The following LRRTM4 variants were observed in gnomAD, a reference collection of about 807,000 sequenced individuals.
The protein encoded by LRRTM4 is leucine rich repeat transmembrane neuronal 4, also known as leucine-rich repeat transmembrane neuronal protein 4.
A neutral mutation model predicts 47.6 loss-of-function variants in LRRTM4; 25 were observed. The ratio of observed to expected loss-of-function variants is 0.53; its 90% CI spans 0.38 to 0.73. The LOEUF (loss-of-function observed/expected upper bound fraction) is 0.73. Among genes scored for constraint, LRRTM4 ranks in the 30% least tolerant of loss-of-function variants. LRRTM4 has a pLI of 0.00. For synonymous variants in LRRTM4, 311 were observed against 269.5 expected (o/e 1.15, Z -1.51); for missense variants, 638 against 713.4 (o/e 0.89, Z 1.20).
chr2:77,458,999 A>G (rs1346140615), intron 3 of LRRTM4, among the ~76,000 whole-genome samples: 2 of 151,952 alleles, frequency 1.3e-5, no homozygotes, highest in Non-Finnish European at 2.9e-5. Flanking sequence ...TTCTCTGTGG[A>G]TTTTCAAAAT....
intron 3 of LRRTM4, among the ~76,000 whole-genome samples, chr2:76,838,289 A>C (rs1265324894): frequency 6.6e-6 from 1 of 152,004 alleles, no homozygotes; most frequent in African/African-American, 2.4e-5. Context: ...GCACATTTTC[A>C]ACTACTTTAC....
chr2:77,373,910 G>A (rs1672737808), intron 3 of LRRTM4, among the ~76,000 whole-genome samples: 1 of 151,716 alleles, frequency 6.6e-6, no homozygotes, highest in Non-Finnish European at 1.5e-5. Flanking sequence ...CCCTTCAGTT[G>A]ACAGTGCCAG....
At chr2:76,879,469 T>A (rs1325429678) in intron 3 of LRRTM4, among the ~76,000 whole-genome samples, 1 of 152,234 alleles carries the variant, frequency 6.6e-6, no homozygotes, top group Non-Finnish European at 1.5e-5. Flanking sequence ...CAGCATGGTT[T>A]CCTGAATATT....
At chr2:77,348,154 G>A (rs887260500) in intron 3 of LRRTM4, among the ~76,000 whole-genome samples, 2 of 151,826 alleles carry the variant, frequency 1.3e-5, no homozygotes, top group Non-Finnish European at 2.9e-5. Context: ...GAGTGGTTAA[G>A]TGAGCATACT....
At chr2:76,795,082 TAGACGGC>T (rs1439724489) in intron 3 of LRRTM4, among the ~76,000 whole-genome samples, 1 of 152,126 alleles carries the variant, frequency 6.6e-6, no homozygotes, top group African/African-American at 2.4e-5. Flanking sequence ...ACCTTTAACA[TAGACGGC>T]AGATATGACA....
chr2:76,763,877 A>G (rs1203042320), intron 3 of LRRTM4, among the ~76,000 whole-genome samples: 3 of 152,222 alleles, frequency 2.0e-5, no homozygotes, highest in Non-Finnish European at 4.4e-5. Context: ...GCCTCTACCC[A>G]CTAGATGTAT....
intron 3 of LRRTM4, among the ~76,000 whole-genome samples, chr2:76,935,557 G>C (rs189542357): frequency 1.3e-5 from 2 of 152,130 alleles, no homozygotes; most frequent in African/African-American, 4.8e-5. Flanking sequence ...TCCTTGAAAA[G>C]GTCCTTCACA....
chr2:76,841,994 G>T (rs1671698187), intron 3 of LRRTM4, among the ~76,000 whole-genome samples: 1 of 152,148 alleles, frequency 6.6e-6, no homozygotes, highest in East Asian at 1.9e-4. Context: ...TCACTAGACT[G>T]AGCTACTGGA....
intron 3 of LRRTM4, among the ~76,000 whole-genome samples, chr2:77,342,808 G>A (rs1671422581): frequency 6.6e-6 from 1 of 151,122 alleles, no homozygotes; most frequent in Admixed American, 6.7e-5. Context: ...TGCAAAAGCG[G>A]CTACTCTGTA....
chr2:77,059,505 C>T (rs866960293), intron 3 of LRRTM4, among the ~76,000 whole-genome samples: 2 of 152,166 alleles, frequency 1.3e-5, no homozygotes, highest in African/African-American at 4.8e-5. Context: ...CCTCCTCAAT[C>T]ATCATTTGGA....
chr2:77,243,197 G>T (rs938583142), intron 3 of LRRTM4, among the ~76,000 whole-genome samples: 2 of 152,064 alleles, frequency 1.3e-5, no homozygotes, highest in Non-Finnish European at 2.9e-5. Flanking sequence ...TGGATCACCT[G>T]AGGTCAGGAG....
In LRRTM4 at chr2:77,154,430, T is replaced by C. The variant is rs568377159; in HGVS notation, c.1551+363888A>G. Among the ~76,000 whole-genome samples the C allele has an allele frequency of 2.7e-3, 409 of 152,228 alleles. 3 individuals carry two copies. The highest frequency in any genetic ancestry group is 9.6e-3 in the African/African-American group (398 of 41,548). On this transcript the variant is annotated intron_variant, in intron 3 of 3. Transcript: ENST00000409884. ...GTTTAATGATTTATAGATTTTAGCA[T>C]TTCCACTGACAATTAGCAAAGAAGA...
chr2:77,165,961 G>A (rs887255766), intron 3 of LRRTM4, among the ~76,000 whole-genome samples: 1 of 152,194 alleles, frequency 6.6e-6, no homozygotes, highest in Admixed American at 6.5e-5. Flanking sequence ...TTCTGGCCAA[G>A]TCAATCAGGC....
Position 76,862,603 on chromosome 2 carries a change from TGAG to T in LRRTM4, c.1552-113690_1552-113688del, listed in dbSNP as rs145121130. 5.7e-3 allele frequency among the ~76,000 whole-genome samples: 874 copies of T among 152,278 alleles called. 9 individuals carry two copies. The highest frequency in any genetic ancestry group is 0.02 in the African/African-American group (835 of 41,568). ...CCGAAAGAAAAAGAAGGTTGCGCTT[TGAG>T]GAGGAGGGAAAATATCTCACACACG... On this transcript the variant is annotated intron_variant, in intron 3 of 3. Coordinates refer to ENST00000409884, the MANE Select transcript of LRRTM4 (RefSeq NM_001134745.3).
intron 3 of LRRTM4, among the ~76,000 whole-genome samples, chr2:76,767,688 TTC>T (rs1488740738): frequency 1.4e-5 from 2 of 144,184 alleles, no homozygotes; most frequent in Non-Finnish European, 3.0e-5. Context: ...GCATTTCATT[TTC>T]TCTTTCTTTT....
chr2:77,254,606 C>A lies in LRRTM4; in HGVS notation c.1551+263712G>T, dbSNP rs112089296. On this transcript the variant is annotated intron_variant, in intron 3 of 3. Coordinates refer to ENST00000409884, the MANE Select transcript of LRRTM4 (RefSeq NM_001134745.3). ...AAGTAAAAATTTTAACTGCCAAATG[C>A]GGTTCTCAATAAATGTAAAGAGAAT... Among the ~76,000 whole-genome samples the A allele has an allele frequency of 5.3e-5, 8 of 151,520 alleles. No individual in the cohort carries two copies. In the South Asian group the frequency reaches 8.3e-4, roughly 16 times the overall value.
chr2:76,894,769 G>C (rs1049205213), intron 3 of LRRTM4, among the ~76,000 whole-genome samples: 9 of 151,612 alleles, frequency 5.9e-5, no homozygotes, highest in Non-Finnish European at 7.4e-5. Context: ...ATCTGTATTT[G>C]TATATTTATC....
chr2:77,206,480 T>TTG (rs1201398152), intron 3 of LRRTM4, among the ~76,000 whole-genome samples: 3 of 151,478 alleles, frequency 2.0e-5, no homozygotes, highest in Non-Finnish European at 4.4e-5. Context: ...CCACCATGCT[T>TTG]TGCCTCAAAA....
chr2:76,805,918 TTCTCTA>T (rs1387205109), intron 3 of LRRTM4, among the ~76,000 whole-genome samples: 2 of 152,114 alleles, frequency 1.3e-5, no homozygotes, highest in Non-Finnish European at 2.9e-5. Flanking sequence ...TAATAAATCT[TTCTCTA>T]TCTCTGTTAT....
Sources: gnomAD v4.1 joint callset for allele counts (sites outside exome capture counted in the v4.1 genomes callset) on GRCh38, gnomAD v4.1.1 for gene constraint, MANE v1.5 for transcripts, NCBI Gene and HGNC (gene_info 2026-07-23, HGNC 2026-07-21) for gene names.